The following CCDC91 variants were observed in gnomAD, a reference collection of about 807,000 sequenced individuals.
CCDC91 encodes the protein coiled-coil domain containing 91.
A neutral mutation model predicts 63.2 loss-of-function variants in CCDC91; 48 were observed. The observed-to-expected ratio is 0.76, with a 90% CI of 0.60 to 0.97. CCDC91 has a LOEUF of 0.97. CCDC91 is among the 50% of genes least tolerant of loss of function. The pLI is 0.00. For synonymous variants in CCDC91, 167 were observed against 165.8 expected, an observed-to-expected ratio of 1.01 and a Z score of -0.06; for missense variants, 500 against 494.6, an observed-to-expected ratio of 1.01 and a Z score of -0.10.
chr12:28,302,565 C>T (rs761324480), intron 3 of CCDC91: 173 of 818,600 alleles, frequency 2.1e-4, no homozygotes, highest in Admixed American at 3.7e-4. Context: ...ATGGCTTTTA[C>T]CTAGACAGTA....
intron 11 of CCDC91, among the ~76,000 whole-genome samples, chr12:28,463,597 C>T (rs528104310): frequency 2.0e-5 from 3 of 152,114 alleles, no homozygotes; most frequent in Non-Finnish European, 4.4e-5. Context: ...GACAGATAAA[C>T]ACTTTAAGGG....
rs1273477681 is a variant in CCDC91, at chr12:28,484,052, G to A, written c.1102G>A (p.Glu368Lys). Residue 368 changes from glutamate (E) to lysine (K), a missense_variant and splice_region_variant, in exon 12 of 13, where the codon GAA becomes AAA. Glu to Lys is a moderately conservative substitution (Grantham distance 56). Transcript: ENST00000536442. ...CTGTTTTGCCTTCTCCCACAAACAGGAAACTGTTAAGGCAGCAATAATAGA... is the reference window on the plus strand; with the variant it reads ...CTGTTTTGCCTTCTCCCACAAACAGAAAACTGTTAAGGCAGCAATAATAGA... ...AIQEQRKISQ[E>K]TVKAAIIEEQ... 1.2e-6 allele frequency: 2 copies of A among 1,604,776 alleles called. No individual in the cohort carries two copies. Among genetic ancestry groups the A allele is most frequent in the South Asian group, 1.1e-5 (1 of 89,752 alleles).
chr12:28,322,289 A>G (rs1940583285), intron 6 of CCDC91, among the ~76,000 whole-genome samples: 1 of 151,910 alleles, frequency 6.6e-6, no homozygotes, highest in Admixed American at 6.6e-5. Flanking sequence ...GAATCTGAAG[A>G]AAAGCACCCT....
chr12:28,268,163 A>G (rs1309649488), intron 3 of CCDC91, among the ~76,000 whole-genome samples: 1 of 151,014 alleles, frequency 6.6e-6, no homozygotes, highest in Non-Finnish European at 1.5e-5. Flanking sequence ...TCACGGGTTC[A>G]AGAGCTTTTC....
chr12:28,312,645 T>C (rs1939440274), intron 6 of CCDC91, among the ~76,000 whole-genome samples: 1 of 152,060 alleles, frequency 6.6e-6, no homozygotes, highest in Non-Finnish European at 1.5e-5. Flanking sequence ...AATAGTGATA[T>C]GGTTTGGCTG....
At chr12:28,398,484 A>G (rs1946422288) in intron 8 of CCDC91, among the ~76,000 whole-genome samples, 1 of 152,226 alleles carries the variant, frequency 6.6e-6, no homozygotes, top group Non-Finnish European at 1.5e-5. Context: ...GTTTGCATAT[A>G]AACTGTGTGG....
intron 8 of CCDC91, among the ~76,000 whole-genome samples, chr12:28,426,644 T>G (rs957096170): frequency 6.6e-6 from 1 of 152,164 alleles, no homozygotes; most frequent in African/African-American, 2.4e-5. Flanking sequence ...TGTTTTGATT[T>G]CTAGCATTTT....
intron 6 of CCDC91, among the ~76,000 whole-genome samples, chr12:28,362,140 A>G (rs1360682554): frequency 6.6e-6 from 1 of 152,030 alleles, no homozygotes; most frequent in East Asian, 1.9e-4. Context: ...CTCTTGATCC[A>G]TGTCAAGAAT....
intron 1 of CCDC91, among the ~76,000 whole-genome samples, chr12:28,228,341 A>G (rs1307780619): frequency 1.3e-5 from 2 of 152,130 alleles, no homozygotes; most frequent in Non-Finnish European, 2.9e-5. Context: ...GTTGTTGCAT[A>G]GATATATTGT....
At chr12:28,215,162 C>T (rs1943484427) in intron 1 of CCDC91, among the ~76,000 whole-genome samples, 1 of 152,138 alleles carries the variant, frequency 6.6e-6, no homozygotes, top group South Asian at 2.1e-4. Context: ...TGGACTGTAA[C>T]TTACACTATT....
Position 28,452,470 on chromosome 12 carries a change from T to C in CCDC91, c.925-8T>C, listed in dbSNP as rs201328045. On this transcript the variant is annotated splice_polypyrimidine_tract_variant and splice_region_variant and intron_variant, in intron 10 of 12. Coordinates refer to ENST00000536442, the MANE Select transcript of CCDC91 (RefSeq NM_018318.5). ...TCAAATTTGTTCTGGTCTTTATTTA[T>C]TTTGAAGCTTGAAAAAGAAGCAGTG... 1,223 of 1,531,764 alleles carry C rather than the reference T, an allele frequency of 8.0e-4. 3 individuals are homozygous for C. The highest frequency in any genetic ancestry group is 9.7e-4 in the Non-Finnish European group (1,098 of 1,129,730). 94.9% of individuals were successfully genotyped at this position (1,531,764 alleles called of 1,614,324 possible).
At chr12:28,301,481 C>G (rs1938073313) in intron 3 of CCDC91, among the ~76,000 whole-genome samples, 1 of 151,294 alleles carries the variant, frequency 6.6e-6, no homozygotes, top group African/African-American at 2.4e-5. Flanking sequence ...TTATTTAGAA[C>G]TTATACTTCA....
chr12:28,511,504 G>A (rs1449029011), intron 12 of CCDC91, among the ~76,000 whole-genome samples: 1 of 151,648 alleles, frequency 6.6e-6, no homozygotes, highest in Non-Finnish European at 1.5e-5. Flanking sequence ...ATTTCAAATG[G>A]TGGTCGTCTG....
intron 12 of CCDC91, among the ~76,000 whole-genome samples, chr12:28,535,974 A>G (rs1187551802): frequency 6.6e-6 from 1 of 151,952 alleles, no homozygotes; most frequent in Non-Finnish European, 1.5e-5. Context: ...GCTTGCAGTC[A>G]GCCGAGATAG....
intron 7 of CCDC91, among the ~76,000 whole-genome samples, chr12:28,384,916 T>C (rs1404948688): frequency 6.6e-6 from 1 of 152,056 alleles, no homozygotes; most frequent in Non-Finnish European, 1.5e-5. Flanking sequence ...ATAATAAACT[T>C]ACGATTTGTT....
Position 28,190,793 on chromosome 12 carries a change from A to T in CCDC91, c.-15+152A>T, listed in dbSNP as rs553990498. 3.9e-5 allele frequency: 6 copies of T among 152,340 alleles called. No individual in the cohort carries two copies. The East Asian group carries it at 1.2e-3, about 29-fold the overall frequency. The allele number at this position is 152,340 out of a possible 1,614,324, so 9.4% of individuals were successfully genotyped here. On this transcript the variant is annotated intron_variant, in intron 1 of 12. Coordinates refer to ENST00000536442, the MANE Select transcript of CCDC91 (RefSeq NM_018318.5). ...CTCGCCCTTGGCTGTCGCAGCGACC[A>T]GGAGTCAGGGGGCGTGACCAACCTC...
At chr12:28,275,044 A>G (rs1340772012) in intron 3 of CCDC91, among the ~76,000 whole-genome samples, 1 of 152,150 alleles carries the variant, frequency 6.6e-6, no homozygotes, top group Non-Finnish European at 1.5e-5. Flanking sequence ...ACACCCTAAC[A>G]TCACAATTAA....
At chr12:28,403,468 A>G (rs1231153766) in intron 8 of CCDC91, among the ~76,000 whole-genome samples, 1 of 151,926 alleles carries the variant, frequency 6.6e-6, no homozygotes, top group African/African-American at 2.4e-5. Context: ...TTTTACTCTA[A>G]TTTCATGTGG....
At chr12:28,512,685 C>T (rs1249071098) in intron 12 of CCDC91, among the ~76,000 whole-genome samples, 1 of 151,850 alleles carries the variant, frequency 6.6e-6, no homozygotes, top group Non-Finnish European at 1.5e-5. Context: ...TCTCTCTCTT[C>T]CTCTACAAAA....
Sources: gnomAD v4.1 joint callset for allele counts (sites outside exome capture counted in the v4.1 genomes callset) on GRCh38, gnomAD v4.1.1 for gene constraint, MANE v1.5 for transcripts, NCBI Gene and HGNC (gene_info 2026-07-23, HGNC 2026-07-21) for gene names.